LYPLAL1: variants seen among roughly 807,000 people sequenced by gnomAD.
LYPLAL1 encodes the protein lysophospholipase like 1, also known as lysophospholipase-like protein 1.
A neutral mutation model predicts 19.7 loss-of-function variants in LYPLAL1; 23 were observed. The observed-to-expected ratio is 1.17, with a 90% CI of 0.84 to 1.65. The LOEUF is 1.65. Ranked by LOEUF, LYPLAL1 falls within the 40% of genes most tolerant of loss-of-function variation. The pLI, the probability that LYPLAL1 is intolerant of heterozygous loss-of-function variation, is 0.00. For missense variants in LYPLAL1, 355 were observed against 279.4 expected, an observed-to-expected ratio of 1.27 and a Z score of -1.93; for synonymous variants, 119 against 96.3, an observed-to-expected ratio of 1.24 and a Z score of -1.38.
At chr1:219,185,614 G>A (rs1203644949) in intron 2 of LYPLAL1, among the ~76,000 whole-genome samples, 1 of 151,892 alleles carries the variant, frequency 6.6e-6, no homozygotes, top group Non-Finnish European at 1.5e-5. Context: ...TCAGAAGGGG[G>A]ATGGTGGTTA....
At chr1:219,373,891 A>G in the LYPLAL1 span, among the ~76,000 whole-genome samples, 1 of 150,798 alleles carries the variant, frequency 6.6e-6, no homozygotes, top group Non-Finnish European at 1.5e-5. Context: ...ACAAAAAAAA[A>G]AACACAAAAA....
intron 4 of LYPLAL1, 28 bp downstream of exon 4, chr1:219,210,675 A>T (rs1456839466): frequency 1.9e-6 from 3 of 1,579,782 alleles, no homozygotes; most frequent in Non-Finnish European, 2.6e-6. Flanking sequence ...AAAAAAATGA[A>T]AAAAATATGA....
At chr1:219,442,808 C>G in the LYPLAL1 span, among the ~76,000 whole-genome samples, 7 of 152,076 alleles carry the variant, frequency 4.6e-5, no homozygotes, top group African/African-American at 1.7e-4. Flanking sequence ...TGGAAGGGCC[C>G]TGGGATATCT....
At chr1:219,407,153 C>T in the LYPLAL1 span, among the ~76,000 whole-genome samples, 3 of 152,218 alleles carry the variant, frequency 2.0e-5, no homozygotes, top group East Asian at 5.8e-4. Context: ...CAGATTTCTT[C>T]TCTTGTCTTC....
the LYPLAL1 span, among the ~76,000 whole-genome samples, chr1:219,363,724 C>T: frequency 6.6e-6 from 1 of 152,168 alleles, no homozygotes; most frequent in Non-Finnish European, 1.5e-5. Flanking sequence ...TCACATAATT[C>T]TAGCCACACT....
the LYPLAL1 span, among the ~76,000 whole-genome samples, chr1:219,400,792 AC>A: frequency 6.6e-6 from 1 of 152,160 alleles, no homozygotes; most frequent in Non-Finnish European, 1.5e-5. Context: ...GAGCCACTGC[AC>A]CCGGCCTGTC....
chr1:219,241,098 A>ATTCTCTC, the LYPLAL1 span, among the ~76,000 whole-genome samples: 71 of 59,198 alleles, frequency 1.2e-3, no homozygotes, highest in African/African-American at 4.3e-3. Context: ...AATATATATA[A>ATTCTCTC]TCTCTCTCTC....
intron 2 of LYPLAL1, 182 bp downstream of exon 2, chr1:219,179,428 T>A (rs1319174128): frequency 1.8e-6 from 1 of 549,916 alleles, no homozygotes; most frequent in African/African-American, 2.0e-5. Flanking sequence ...TTTTGCCAGG[T>A]GAGTAATTTA....
At chr1:219,249,546 G>T in the LYPLAL1 span, among the ~76,000 whole-genome samples, 1 of 151,972 alleles carries the variant, frequency 6.6e-6, no homozygotes, top group Non-Finnish European at 1.5e-5. Flanking sequence ...AAATATCAAG[G>T]AGTGAAAATG....
rs1659122093 is a variant in LYPLAL1, at chr1:219,212,528, T to C, written c.*800T>C. On this transcript the variant is annotated 3_prime_UTR_variant, in exon 5 of 5. Transcript: ENST00000366928. ...TGACTGAAAAATTGTATTACTTCAA[T>C]GAAAATACTATAAATAATAACATTT... 1 of 152,086 alleles carries C rather than the reference T, an allele frequency of 6.6e-6. No individual in the cohort carries two copies. The highest frequency in any genetic ancestry group is 2.1e-4 in the South Asian group (1 of 4,836). The allele number at this position is 152,086 out of a possible 1,614,324, so 9.4% of individuals were successfully genotyped here.
the LYPLAL1 span, among the ~76,000 whole-genome samples, chr1:219,354,441 C>G: frequency 6.6e-6 from 1 of 152,190 alleles, no homozygotes; most frequent in Non-Finnish European, 1.5e-5. Context: ...AGTAATCTGC[C>G]TACCTCAGCC....
the LYPLAL1 span, among the ~76,000 whole-genome samples, chr1:219,410,783 C>T: frequency 1.3e-5 from 2 of 152,262 alleles, no homozygotes; most frequent in East Asian, 1.9e-4. Context: ...CAATGGGGGA[C>T]TTAGCACCCG....
chr1:219,359,411 G>C, the LYPLAL1 span, among the ~76,000 whole-genome samples: 1 of 152,152 alleles, frequency 6.6e-6, no homozygotes, highest in African/African-American at 2.4e-5. Flanking sequence ...AGCTCTTTTA[G>C]AGCATAAAAC....
intron 3 of LYPLAL1, among the ~76,000 whole-genome samples, chr1:219,205,124 G>A (rs1329923849): frequency 1.3e-5 from 2 of 151,812 alleles, no homozygotes; most frequent in African/African-American, 4.8e-5. Flanking sequence ...TCAGTAGGCC[G>A]AGGCGGGTGG....
At chr1:219,214,871 A>T (rs1398897525), downstream of LYPLAL1, among the ~76,000 whole-genome samples, 2 of 151,526 alleles carry the variant, frequency 1.3e-5, no homozygotes, top group African/African-American at 4.9e-5. Context: ...TGTATTCTTA[A>T]TAGAGATGGG....
At chr1:219,364,078 G>C in the LYPLAL1 span, among the ~76,000 whole-genome samples, 1 of 152,104 alleles carries the variant, frequency 6.6e-6, no homozygotes, top group Non-Finnish European at 1.5e-5. Flanking sequence ...TGCATGTGAT[G>C]ACCAGCTAGA....
chr1:219,380,969 A>G, the LYPLAL1 span, among the ~76,000 whole-genome samples: 9 of 152,154 alleles, frequency 5.9e-5, no homozygotes, highest in Non-Finnish European at 1.2e-4. Flanking sequence ...ATGACAAGAA[A>G]CAAATGTCAG....
intron 3 of LYPLAL1, among the ~76,000 whole-genome samples, chr1:219,209,905 AAC>A (rs1406622728): frequency 3.3e-5 from 5 of 152,134 alleles, no homozygotes; most frequent in African/African-American, 1.2e-4. Flanking sequence ...AAGAGACAAT[AAC>A]AGTTTGACTA....
the LYPLAL1 span, among the ~76,000 whole-genome samples, chr1:219,219,316 T>G: frequency 1.3e-5 from 2 of 152,182 alleles, no homozygotes; most frequent in African/African-American, 2.4e-5. Context: ...AAGCCTCATT[T>G]TGGAGAGATC....
Sources: allele counts gnomAD v4.1 joint callset (sites outside exome capture counted in the v4.1 genomes callset), GRCh38; gene constraint gnomAD v4.1.1; transcripts MANE v1.5; gene names NCBI Gene and HGNC (gene_info 2026-07-23, HGNC 2026-07-21).